CAST: variants seen among roughly 807,000 people sequenced by gnomAD.
CAST encodes the protein calpastatin.
In CAST, 76 loss-of-function variants were observed where a neutral mutation model predicts 119.6. The ratio of observed to expected loss-of-function variants is 0.64; its 90% CI spans 0.53 to 0.77. The LOEUF (loss-of-function observed/expected upper bound fraction) is 0.77. CAST is among the 30% of genes least tolerant of loss of function. The pLI is 0.00. For synonymous variants in CAST, 319 were observed against 331.6 expected, an observed-to-expected ratio of 0.96 and a Z score of 0.41; for missense variants, 953 against 946.5, an observed-to-expected ratio of 1.01 and a Z score of -0.09.
At chr5:96,592,628 C>T (rs983327973) in intron 1 of CAST, among the ~76,000 whole-genome samples, 3 of 152,064 alleles carry the variant, frequency 2.0e-5, no homozygotes, top group Non-Finnish European at 4.4e-5. Flanking sequence ...ACCTATTTTC[C>T]ACATAATTAT....
the CAST span, among the ~76,000 whole-genome samples, chr5:96,416,731 A>C: frequency 6.6e-6 from 1 of 152,206 alleles, no homozygotes; most frequent in Non-Finnish European, 1.5e-5. Flanking sequence ...ATTACCAGCT[A>C]ATTGGAAAGC....
intron 3 of CAST, among the ~76,000 whole-genome samples, chr5:96,708,751 T>C (rs1461983040): frequency 6.6e-6 from 1 of 152,122 alleles, no homozygotes. Context: ...TCGGCCTCCT[T>C]CTTCACCTCT....
the CAST span, among the ~76,000 whole-genome samples, chr5:96,424,961 CAAA>C: frequency 1.1e-5 from 1 of 94,708 alleles, no homozygotes; most frequent in Non-Finnish European, 2.1e-5. Flanking sequence ...AAAACTCTGT[CAAA>C]AAAAAAAAGA....
the CAST span, among the ~76,000 whole-genome samples, chr5:96,282,473 T>C: frequency 2.6e-5 from 4 of 152,338 alleles, no homozygotes; most frequent in African/African-American, 7.2e-5. Flanking sequence ...AACAAATCCT[T>C]GGAGTTGTGC....
At chr5:96,249,292 T>C in the CAST span, among the ~76,000 whole-genome samples, 1 of 152,234 alleles carries the variant, frequency 6.6e-6, no homozygotes, top group East Asian at 1.9e-4. Flanking sequence ...AGACTAGGCA[T>C]GGAGGATCTA....
At chr5:96,136,040 C>T in the CAST span, among the ~76,000 whole-genome samples, 2 of 152,160 alleles carry the variant, frequency 1.3e-5, no homozygotes, top group Non-Finnish European at 2.9e-5. Context: ...TGTGTGTAGC[C>T]CAAACACTTA....
At chr5:96,070,511 G>T in the CAST span, among the ~76,000 whole-genome samples, 3 of 152,168 alleles carry the variant, frequency 2.0e-5, no homozygotes. Context: ...CCACAAACAT[G>T]CCTACGTTAG....
At chr5:96,001,038 C>T in the CAST span, among the ~76,000 whole-genome samples, 4 of 152,092 alleles carry the variant, frequency 2.6e-5, no homozygotes, top group African/African-American at 9.7e-5. Flanking sequence ...TTGGGACTAC[C>T]ACTAATTAGC....
chr5:96,711,265 G>A (rs1756092978), intron 3 of CAST, among the ~76,000 whole-genome samples: 1 of 152,032 alleles, frequency 6.6e-6, no homozygotes, highest in African/African-American at 2.4e-5. Flanking sequence ...TCAATGAACT[G>A]AAAATTTGGG....
the CAST span, among the ~76,000 whole-genome samples, chr5:96,429,513 G>A: frequency 2.0e-5 from 3 of 152,074 alleles, no homozygotes; most frequent in Non-Finnish European, 4.4e-5. Flanking sequence ...AGGTAAACTT[G>A]TGTCACGGGG....
At chr5:96,359,697 G>T in the CAST span, among the ~76,000 whole-genome samples, 2 of 152,214 alleles carry the variant, frequency 1.3e-5, no homozygotes, top group African/African-American at 4.8e-5. Flanking sequence ...TCTGCAGAGA[G>T]ATTCACTGTT....
the CAST span, among the ~76,000 whole-genome samples, chr5:96,016,694 G>T: frequency 6.6e-6 from 1 of 152,002 alleles, no homozygotes; most frequent in East Asian, 1.9e-4. Flanking sequence ...AGGCTTTTAA[G>T]AGTTGAGAAC....
At chr5:96,535,055 A>C (rs910469140) in intron 1 of CAST, among the ~76,000 whole-genome samples, 4 of 152,216 alleles carry the variant, frequency 2.6e-5, no homozygotes, top group African/African-American at 7.2e-5. Flanking sequence ...TTCAGTTTTT[A>C]GAATCAACTT....
At chr5:96,328,633 GACCATCT>G in the CAST span, among the ~76,000 whole-genome samples, 2 of 152,128 alleles carry the variant, frequency 1.3e-5, no homozygotes, top group Non-Finnish European at 1.5e-5. Context: ...TAGCATTTCA[GACCATCT>G]GACTTAAGAC....
Position 96,750,575 on chromosome 5 carries a change from G to A in CAST, c.1429-12G>A. The A allele has an allele frequency of 1.3e-6, 2 of 1,585,520 alleles. No homozygotes were observed. Among genetic ancestry groups the A allele is most frequent in the Non-Finnish European group, 1.7e-6 (2 of 1,154,434 alleles). ...TTCTAAACTTATTGAGAGTACTTGT[G>A]TCTTTCCTCAGGAATCTAAGGCCGC... is the stretch of plus-strand genomic sequence containing the variant. On this transcript the variant is annotated splice_polypyrimidine_tract_variant and intron_variant, in intron 19 of 31. Coordinates refer to ENST00000675179, the MANE Select transcript of CAST (RefSeq NM_001750.7).
intron 25 of CAST, chr5:96,762,662 T>A (rs1768412913): frequency 2.8e-6 from 1 of 351,706 alleles, no homozygotes; most frequent in Non-Finnish European, 5.1e-6. Flanking sequence ...GTGTCTATAT[T>A]CAAATTACTA....
chr5:96,433,034 T>C, the CAST span: 1 of 1,614,036 alleles, frequency 6.2e-7, no homozygotes, highest in Non-Finnish European at 8.5e-7. Flanking sequence ...TCCAGGCTCT[T>C]CGCTCCATAG....
chr5:96,395,046 C>T, the CAST span: 25 of 1,569,604 alleles, frequency 1.6e-5, no homozygotes, highest in Admixed American at 2.2e-4. Context: ...AGCATACCTA[C>T]ATTTAGTATG....
At chr5:96,363,707 G>T in the CAST span, among the ~76,000 whole-genome samples, 1 of 152,178 alleles carries the variant, frequency 6.6e-6, no homozygotes, top group Non-Finnish European at 1.5e-5. Flanking sequence ...CTTTGCTGAA[G>T]TTGCTTATCA....
Sources: gnomAD v4.1 joint callset for allele counts (sites outside exome capture counted in the v4.1 genomes callset) on GRCh38, gnomAD v4.1.1 for gene constraint, MANE v1.5 for transcripts, NCBI Gene and HGNC (gene_info 2026-07-23, HGNC 2026-07-21) for gene names.